DBR1: variants seen among roughly 807,000 people sequenced by gnomAD.
DBR1 encodes the protein lariat debranching enzyme.
In DBR1, 33 loss-of-function variants were observed where a neutral mutation model predicts 45.9. That is an observed-to-expected ratio of 0.72 (90% confidence interval 0.55 to 0.96). The LOEUF (loss-of-function observed/expected upper bound fraction) is 0.96. Among genes scored for constraint, DBR1 ranks in the 40% least tolerant of loss-of-function variants. The probability of loss-of-function intolerance (pLI) is 0.00; values close to 1 mark genes in which losing one functional copy is unlikely to be tolerated. For missense variants in DBR1, 619 were observed against 667.4 expected (o/e 0.93, Z 0.80); for synonymous variants, 235 against 235.9 (o/e 1.00, Z 0.04).
Position 138,167,229 on chromosome 3 carries a change from A to G in DBR1, c.566T>C (p.Leu189Pro). 6.2e-7 allele frequency: 1 copy of G among 1,613,932 alleles called. No individual in the cohort carries two copies. Among genetic ancestry groups the G allele is most frequent in the African/African-American group, 1.3e-5 (1 of 75,022 alleles). ...TCGGAAAAAAGATTTAGTCTTAAGA[A>G]GTTGCTTCTTATTTCCATAATGATA... ...SIYHYGNKKQ[L>P]LKTKSFFRQE... Residue 189 changes from leucine (L) to proline (P), a missense_variant, in exon 5 of 8, where the codon CTT (leucine) becomes CCT (proline). By Grantham distance (98) the Leu-to-Pro change is moderately conservative (BLOSUM62 -3). Transcript: ENST00000260803.
intron 7 of DBR1, 135 bp from the exon 8 acceptor site, chr3:138,162,717 T>A (rs1244387041): frequency 2.5e-6 from 2 of 791,978 alleles, no homozygotes; most frequent in Non-Finnish European, 3.9e-6. Flanking sequence ...AAGTTAGAGT[T>A]AATTTAGCAA....
intron 3 of DBR1, among the ~76,000 whole-genome samples, chr3:138,171,140 C>A (rs1479354217): frequency 2.6e-5 from 4 of 151,972 alleles, no homozygotes; most frequent in African/African-American, 9.7e-5. Context: ...TTAATTGTAT[C>A]TATACTGTTT....
At chr3:138,174,558 C>CA in intron 1 of DBR1, 41 bp downstream of exon 1, 1 of 1,439,492 alleles carries the variant, frequency 6.9e-7, no homozygotes, top group Non-Finnish European at 9.6e-7. Context: ...AACCCAGTCC[C>CA]ACCCCCCCAC....
Position 138,165,684 on chromosome 3 carries a change from G to A in DBR1, c.714+1397C>T, listed in dbSNP as rs957582613. ...GTGGAGCTTGCAGTGAGTGGAGATC[G>A]CGCCACTGCACTCCAGCCTGGGCAA... On this transcript the variant is annotated intron_variant, in intron 5 of 7. Coordinates refer to ENST00000260803, the MANE Select transcript of DBR1 (RefSeq NM_016216.4). 1.1e-4 allele frequency among the ~76,000 whole-genome samples: 17 copies of A among 151,090 alleles called. No individual in the cohort carries two copies. The East Asian group carries it at 1.4e-3, about 12-fold the overall frequency.
chr3:138,174,799 G>A lies in DBR1; in HGVS notation c.-4C>T. On this transcript the variant is annotated 5_prime_UTR_variant, in exon 1 of 8. Transcript: ENST00000260803. Reference sequence around the variant, plus strand: ...AGCCAGCCACAGCCACCCGCATTCTGCCGGCCTGAGGAGGTGAGCGCTGCC... The same window carrying A: ...AGCCAGCCACAGCCACCCGCATTCTACCGGCCTGAGGAGGTGAGCGCTGCC... 2 of 1,609,804 alleles carry A rather than the reference G, an allele frequency of 1.2e-6. No individual in the cohort carries two copies. The highest frequency in any genetic ancestry group is 2.2e-5 in the South Asian group (2 of 90,474).
At chr3:138,173,374 C>T in intron 2 of DBR1, 128 bp downstream of exon 2, 3 of 909,566 alleles carry the variant, frequency 3.3e-6, no homozygotes, top group Non-Finnish European at 4.8e-6. Flanking sequence ...TAAATTTTCA[C>T]GATTAAGTAT....
rs976944352 is a variant in DBR1 at position 138,161,737 on chromosome 3, T to C, written c.*152A>G. ...GGCGGGCACCTGTAGTCCCACCTAC[T>C]TGGGAGGCTGAGGCAGGAGAATTGC... On this transcript the variant is annotated 3_prime_UTR_variant, in exon 8 of 8. Coordinates refer to ENST00000260803, the MANE Select transcript of DBR1 (RefSeq NM_016216.4). 1.4e-5 allele frequency: 9 copies of C among 634,950 alleles called. No homozygotes were observed. The highest frequency in any genetic ancestry group is 2.2e-5 in the Non-Finnish European group (8 of 362,170). 39.3% of individuals were successfully genotyped at this position (634,950 alleles called of 1,614,324 possible).
chr3:138,171,848 C>CT (rs1177482692), intron 2 of DBR1, 135 bp from the exon 3 acceptor site: 1 of 665,554 alleles, frequency 1.5e-6, no homozygotes, highest in African/African-American at 1.8e-5. Context: ...TGAGGTTATG[C>CT]TTTTTACATA....
intron 2 of DBR1, among the ~76,000 whole-genome samples, chr3:138,172,244 T>C (rs1180814069): frequency 6.6e-6 from 1 of 152,170 alleles, no homozygotes; most frequent in African/African-American, 2.4e-5. Flanking sequence ...TATGATCTCA[T>C]CATTGGTAAA....
rs2042905984 is a variant in DBR1 at position 138,161,318 on chromosome 3, G to A, written c.*571C>T. On this transcript the variant is annotated 3_prime_UTR_variant, in exon 8 of 8. Transcript: ENST00000260803. ...AGTAGATGTTAAGTAAGTGTTTATT[G>A]TAAAAATGGAAGTGAATAATGTATG... 1 of 153,038 alleles carries A rather than the reference G, an allele frequency of 6.5e-6. No individual in the cohort carries two copies. The highest frequency in any genetic ancestry group is 1.5e-5 in the Non-Finnish European group (1 of 68,760). The allele number at this position is 153,038 out of a possible 1,614,324, so 9.5% of individuals were successfully genotyped here. A position where few individuals can be genotyped will look rare whatever the true frequency, so the allele number is the denominator to read the frequency against.
chr3:138,172,803 C>T (rs1360463382), intron 2 of DBR1, among the ~76,000 whole-genome samples: 4 of 152,164 alleles, frequency 2.6e-5, no homozygotes, highest in Non-Finnish European at 2.9e-5. Flanking sequence ...GACAGGGAGA[C>T]TATTTTAGTC....
At chr3:138,164,611 A>C (rs767059622) in intron 5 of DBR1, among the ~76,000 whole-genome samples, 41 of 152,188 alleles carry the variant, frequency 2.7e-4, no homozygotes, top group Non-Finnish European at 4.6e-4. Flanking sequence ...TTTACTAAAA[A>C]TCACTGAATT....
At chr3:138,167,387 A>C in intron 4 of DBR1, 82 bp from the exon 5 acceptor site, 1 of 899,660 alleles carries the variant, frequency 1.1e-6, no homozygotes, top group African/African-American at 1.7e-5. Flanking sequence ...CTCTACCACC[A>C]TACAACCATT....
intron 7 of DBR1, 33 bp from the exon 8 acceptor site, chr3:138,162,615 T>C (rs1434713964): frequency 1.4e-5 from 21 of 1,526,532 alleles, no homozygotes; most frequent in Non-Finnish European, 1.9e-5. Flanking sequence ...CTTTTTACAT[T>C]TTATCAGCTC....
At chr3:138,164,880 CA>C (rs2042923346) in intron 5 of DBR1, among the ~76,000 whole-genome samples, 2 of 152,222 alleles carry the variant, frequency 1.3e-5, no homozygotes, top group Non-Finnish European at 2.9e-5. Flanking sequence ...CTCCTGGCCT[CA>C]AGTGATCCAC....
At chr3:138,169,877 G>A (rs555053926) in intron 4 of DBR1, among the ~76,000 whole-genome samples, 1 of 151,994 alleles carries the variant, frequency 6.6e-6, no homozygotes, top group East Asian at 1.9e-4. Flanking sequence ...AGGTTGCAGT[G>A]AGCCGAGATC....
At position 138,170,173 on chromosome 3, in the gene DBR1, AG is replaced by A; in HGVS notation, c.422del (p.Pro141LeufsTer13). The stretch of plus-strand genomic sequence containing the variant: ...TACTCCTGATTGTAGATGAATTATA[AG>A]GGGGGCACTCAAAATGACCTTAGAT... ...DYRKGHFECP[P>X]YNSSTIRSIY... On this transcript the variant is annotated frameshift_variant, in exon 4 of 8. Transcript: ENST00000260803. LOFTEE classifies it high-confidence loss of function. The A allele has an allele frequency of 1.9e-6, 3 of 1,594,018 alleles. No homozygotes were observed. The highest frequency in any genetic ancestry group is 2.6e-6 in the Non-Finnish European group (3 of 1,168,420).
intron 2 of DBR1, among the ~76,000 whole-genome samples, chr3:138,172,359 G>T (rs900700805): frequency 3.9e-5 from 6 of 152,160 alleles, no homozygotes; most frequent in African/African-American, 1.4e-4. Flanking sequence ...CAGGTGGGCG[G>T]ATCACTTTGA....
At position 138,161,996 on chromosome 3, in the gene DBR1, A is replaced by G. The variant is rs753658778; in HGVS notation, c.1528T>C (p.Leu510=). 26 of 1,614,014 alleles carry G rather than the reference A, an allele frequency of 1.6e-5. No homozygotes were observed. The highest frequency in any genetic ancestry group is 4.0e-5 in the African/African-American group (3 of 74,908). ...GNGEDLTKVP[L]KRLSDEHEPE... ...TCATGTTCATCACTCAGCCTCTTCAATGGCACCTTGGTTAAGTCCTCTCCA... is the reference window on the plus strand; with the variant it reads ...TCATGTTCATCACTCAGCCTCTTCAGTGGCACCTTGGTTAAGTCCTCTCCA... The change falls in exon 8 of 8, where the codon TTG becomes CTG. Residue 510 remains leucine, a synonymous_variant. Transcript: ENST00000260803.
Sources: allele counts gnomAD v4.1 joint callset (sites outside exome capture counted in the v4.1 genomes callset), GRCh38; gene constraint gnomAD v4.1.1; transcripts MANE v1.5; gene names NCBI Gene and HGNC (gene_info 2026-07-23, HGNC 2026-07-21).